Variants in DPP6 observed in about 807,000 individuals in gnomAD.
DPP6 encodes the protein A-type potassium channel modulatory protein DPP6.
A neutral mutation model predicts 122.6 loss-of-function variants in DPP6; 69 were observed. The observed-to-expected ratio is 0.56, with a 90% confidence interval of 0.46 to 0.69. The LOEUF (loss-of-function observed/expected upper bound fraction) is 0.69. DPP6 is among the 30% of genes least tolerant of loss of function. DPP6 has a pLI of 0.00. For synonymous variants in DPP6, 418 were observed against 433.1 expected, an observed-to-expected ratio of 0.97 and a Z score of 0.43; for missense variants, 928 against 1,116.9, an observed-to-expected ratio of 0.83 and a Z score of 2.41.
intron 7 of DPP6, among the ~76,000 whole-genome samples, chr7:154,686,413 G>A (rs200848211): frequency 9.0e-5 from 9 of 99,664 alleles, no homozygotes; most frequent in Non-Finnish European, 2.0e-4. Flanking sequence ...GCCACCATAA[G>A]GATTTTTTTT....
At chr7:154,333,598 C>T (rs1809142888) in intron 1 of DPP6, among the ~76,000 whole-genome samples, 1 of 152,168 alleles carries the variant, frequency 6.6e-6, no homozygotes, top group Non-Finnish European at 1.5e-5. Flanking sequence ...CTCCATGGCT[C>T]ATATGTTGCT....
chr7:154,240,040 T>G (rs1302334566), intron 1 of DPP6, among the ~76,000 whole-genome samples: 19 of 111,992 alleles, frequency 1.7e-4, no homozygotes, highest in South Asian at 6.1e-4. Context: ...AAAAAAAAAG[T>G]GATACAAGGA....
chr7:154,114,721 TC>T (rs757816075), intron 1 of DPP6, among the ~76,000 whole-genome samples: 58 of 152,300 alleles, frequency 3.8e-4, no homozygotes, highest in Non-Finnish European at 6.8e-4. Context: ...TAATTAATCT[TC>T]CACCTCAGTC....
intron 4 of DPP6, among the ~76,000 whole-genome samples, chr7:154,563,107 A>G (rs945335322): frequency 2.6e-5 from 4 of 152,228 alleles, no homozygotes; most frequent in African/African-American, 9.6e-5. Flanking sequence ...ATATCTAGAT[A>G]TATTAGCTAT....
rs1456104710 is a variant in DPP6, at chr7:154,794,147, C to T, written c.1205C>T (p.Ala402Val). The T allele has an allele frequency of 1.2e-6, 2 of 1,613,170 alleles. No homozygotes were observed. Among genetic ancestry groups the T allele is most frequent in the South Asian group, 1.1e-5 (1 of 90,890 alleles). Reference sequence around the variant, plus strand: ...GTCGCCGTGACCTGGCTGAACCGGGCGCAGAACGTGTCCATCCTCACCCTC... The same window carrying T: ...GTCGCCGTGACCTGGCTGAACCGGGTGCAGAACGTGTCCATCCTCACCCTC... ...TKVAVTWLNR[A>V]QNVSILTLCD... The change falls in exon 11 of 26, where the codon GCG becomes GTG. Residue 402 changes from alanine (A) to valine (V), a missense_variant. Transcript: ENST00000377770.
At chr7:154,634,642 TTCCTCC>T (rs137927151) in intron 5 of DPP6, among the ~76,000 whole-genome samples, 16 of 151,014 alleles carry the variant, frequency 1.1e-4, no homozygotes, top group Admixed American at 9.3e-4. Context: ...CCTCCTCTTC[TTCCTCC>T]TCCTCCTCCT....
chr7:154,294,562 T>C (rs776182863), intron 1 of DPP6, among the ~76,000 whole-genome samples: 12 of 152,160 alleles, frequency 7.9e-5, no homozygotes, highest in Admixed American at 1.3e-4. Flanking sequence ...GAATAAAGTA[T>C]GGGCACGTGA....
intron 1 of DPP6, among the ~76,000 whole-genome samples, chr7:154,185,687 C>T (rs190257058): frequency 6.6e-6 from 1 of 152,222 alleles, no homozygotes; most frequent in Admixed American, 6.5e-5. Context: ...GACAATAGAT[C>T]GACAGCTTTT....
At chr7:154,695,362 T>C (rs1220817826) in intron 7 of DPP6, among the ~76,000 whole-genome samples, 1 of 152,150 alleles carries the variant, frequency 6.6e-6, no homozygotes, top group Non-Finnish European at 1.5e-5. Context: ...TGCTAGTGTG[T>C]GTATGAGATT....
At chr7:154,170,273 C>T (rs1322217021) in intron 1 of DPP6, among the ~76,000 whole-genome samples, 1 of 152,118 alleles carries the variant, frequency 6.6e-6, no homozygotes, top group East Asian at 1.9e-4. Context: ...GACCATTGCC[C>T]GAGGAGGTCT....
At chr7:153,845,319 C>A in the DPP6 span, among the ~76,000 whole-genome samples, 1 of 152,006 alleles carries the variant, frequency 6.6e-6, no homozygotes, top group Non-Finnish European at 1.5e-5. Flanking sequence ...ATTCATGTTA[C>A]CATATATTGA....
intron 3 of DPP6, among the ~76,000 whole-genome samples, chr7:154,487,352 G>A (rs1016635826): frequency 6.6e-6 from 1 of 152,050 alleles, no homozygotes; most frequent in African/African-American, 2.4e-5. Context: ...AGACCCCGCC[G>A]TACTCAGCCC....
intron 1 of DPP6, among the ~76,000 whole-genome samples, chr7:153,892,544 C>A (rs1327731238): frequency 6.6e-6 from 1 of 152,134 alleles, no homozygotes; most frequent in Non-Finnish European, 1.5e-5. Flanking sequence ...AAACTCCTGA[C>A]GTCAGGTGGT....
intron 1 of DPP6, among the ~76,000 whole-genome samples, chr7:153,973,453 C>T (rs2531085): frequency 3.6e-4 from 55 of 152,238 alleles, no homozygotes; most frequent in Admixed American, 1.7e-3. Flanking sequence ...GTGGAGGTCC[C>T]GTGGGCAAGA....
At chr7:154,549,353 T>C (rs1208817049) in intron 4 of DPP6, among the ~76,000 whole-genome samples, 2 of 152,184 alleles carry the variant, frequency 1.3e-5, no homozygotes, top group Non-Finnish European at 2.9e-5. Context: ...TGACAACAGA[T>C]TGCAACACAC....
intron 1 of DPP6, among the ~76,000 whole-genome samples, chr7:154,155,088 T>C (rs1353994367): frequency 3.9e-5 from 6 of 152,072 alleles, no homozygotes; most frequent in Non-Finnish European, 7.4e-5. Flanking sequence ...TCCAAGTTCC[T>C]AGGGTCGCAA....
intron 1 of DPP6, among the ~76,000 whole-genome samples, chr7:153,918,490 T>A (rs1800446445): frequency 8.5e-6 from 1 of 117,386 alleles, no homozygotes; most frequent in Admixed American, 8.3e-5. Flanking sequence ...TCTCTCTCTC[T>A]TTTTCTGCCA....
At chr7:154,351,304 A>G (rs1586024056) in intron 1 of DPP6, among the ~76,000 whole-genome samples, 1 of 151,918 alleles carries the variant, frequency 6.6e-6, no homozygotes, top group Non-Finnish European at 1.5e-5. Context: ...GCGGGATCCC[A>G]CAGCTTCACT....
chr7:154,609,423 A>G (rs902670144), intron 5 of DPP6, among the ~76,000 whole-genome samples: 5 of 152,234 alleles, frequency 3.3e-5, no homozygotes, highest in Non-Finnish European at 2.9e-5. Context: ...TTTACTCTGT[A>G]GACATGTTGA....
Sources: gnomAD v4.1 joint callset for allele counts (sites outside exome capture counted in the v4.1 genomes callset) on GRCh38, gnomAD v4.1.1 for gene constraint, MANE v1.5 for transcripts, NCBI Gene and HGNC (gene_info 2026-07-23, HGNC 2026-07-21) for gene names.